PRKN: variants seen among roughly 807,000 people sequenced by gnomAD.
The protein encoded by PRKN is parkin RBR E3 ubiquitin protein ligase.
A neutral mutation model predicts 59.5 loss-of-function variants in PRKN; 56 were observed. The observed-to-expected ratio is 0.94, with a 90% CI of 0.76 to 1.18. PRKN has a LOEUF of 1.18. PRKN is among the 50% of genes most tolerant of loss of function. The probability of loss-of-function intolerance (pLI) is 0.00; values close to 1 mark genes in which losing one functional copy is unlikely to be tolerated. For synonymous variants in PRKN, 250 were observed against 222.1 expected, an observed-to-expected ratio of 1.13 and a Z score of -1.12; for missense variants, 657 against 596.4, an observed-to-expected ratio of 1.10 and a Z score of -1.06.
chr6:161,374,202 ATC>A (rs949804461), intron 10 of PRKN, among the ~76,000 whole-genome samples: 1 of 151,640 alleles, frequency 6.6e-6, no homozygotes, highest in African/African-American at 2.4e-5. Context: ...AGTGTTATGT[ATC>A]TGTGTGTGGT....
At chr6:162,653,500 C>T (rs1372134268) in intron 1 of PRKN, among the ~76,000 whole-genome samples, 2 of 152,000 alleles carry the variant, frequency 1.3e-5, no homozygotes, top group African/African-American at 4.8e-5. Context: ...ATTAGCGTTA[C>T]CTTTTCAATA....
At chr6:162,548,179 C>A (rs1367473826) in intron 1 of PRKN, among the ~76,000 whole-genome samples, 1 of 152,128 alleles carries the variant, frequency 6.6e-6, no homozygotes, top group Non-Finnish European at 1.5e-5. Flanking sequence ...CCTGCCTCAG[C>A]CTCCTGAGTA....
intron 1 of PRKN, among the ~76,000 whole-genome samples, chr6:162,550,302 C>T (rs1779287133): frequency 6.6e-6 from 1 of 152,252 alleles, no homozygotes; most frequent in Middle Eastern, 3.4e-3. Flanking sequence ...TTAGGAAGGG[C>T]TGTCCCAAGG....
chr6:162,652,571 C>T (rs1778485603), intron 1 of PRKN, among the ~76,000 whole-genome samples: 1 of 151,990 alleles, frequency 6.6e-6, no homozygotes, highest in Non-Finnish European at 1.5e-5. Flanking sequence ...AGCAATACAA[C>T]ACAATATAAG....
intron 1 of PRKN, among the ~76,000 whole-genome samples, chr6:162,600,435 T>A (rs1329150176): frequency 6.6e-6 from 1 of 152,236 alleles, no homozygotes; most frequent in East Asian, 1.9e-4. Context: ...GATGTGAACA[T>A]TTTTGTACAA....
intron 1 of PRKN, among the ~76,000 whole-genome samples, chr6:162,456,594 T>C (rs181657805): frequency 1.4e-4 from 21 of 152,314 alleles, no homozygotes; most frequent in Admixed American, 1.1e-3. Flanking sequence ...TTATTTTCTA[T>C]AGGCTATAGT....
intron 9 of PRKN, among the ~76,000 whole-genome samples, chr6:161,455,621 T>G (rs889726661): frequency 2.0e-5 from 3 of 151,966 alleles, no homozygotes; most frequent in Non-Finnish European, 4.4e-5. Flanking sequence ...ATCCCAGCAC[T>G]TTGGGAGGCT....
chr6:162,288,578 A>T (rs1279813525), intron 2 of PRKN, among the ~76,000 whole-genome samples: 1 of 152,142 alleles, frequency 6.6e-6, no homozygotes, highest in Non-Finnish European at 1.5e-5. Flanking sequence ...GGCTTGAAGA[A>T]GCAAGTCATC....
At chr6:162,661,373 T>C (rs1322102512) in intron 1 of PRKN, among the ~76,000 whole-genome samples, 1 of 152,198 alleles carries the variant, frequency 6.6e-6, no homozygotes, top group East Asian at 1.9e-4. Context: ...GTAAAAATTC[T>C]AATGCCTAAA....
intron 6 of PRKN, among the ~76,000 whole-genome samples, chr6:161,871,926 AC>A (rs1163017017): frequency 6.6e-6 from 1 of 152,168 alleles, no homozygotes; most frequent in African/African-American, 2.4e-5. Context: ...TGTGTGCCAA[AC>A]CTCAGTGGGG....
At chr6:161,879,959 A>C (rs566620307) in intron 6 of PRKN, among the ~76,000 whole-genome samples, 15 of 152,298 alleles carry the variant, frequency 9.8e-5, no homozygotes, top group Admixed American at 8.5e-4. Context: ...GAAGTAGATG[A>C]AAATGCACAG....
intron 9 of PRKN, among the ~76,000 whole-genome samples, chr6:161,532,784 A>G (rs548651731): frequency 1.1e-4 from 16 of 152,148 alleles, no homozygotes; most frequent in Non-Finnish European, 2.1e-4. Context: ...GGATGCTGGG[A>G]TATCTGAGTC....
intron 7 of PRKN, among the ~76,000 whole-genome samples, chr6:161,698,822 A>C (rs1468745281): frequency 1.3e-5 from 2 of 152,202 alleles, no homozygotes; most frequent in East Asian, 3.8e-4. Flanking sequence ...TAAAGGTAAA[A>C]CACTAAACTA....
chr6:162,126,265 T>C (rs1781122071), intron 4 of PRKN, among the ~76,000 whole-genome samples: 1 of 152,182 alleles, frequency 6.6e-6, no homozygotes, highest in Non-Finnish European at 1.5e-5. Context: ...GAGTTCTGCA[T>C]GTGGACGTGC....
chr6:161,914,629 TAGG>T (rs565321406), intron 6 of PRKN, among the ~76,000 whole-genome samples: 250 of 151,950 alleles, frequency 1.6e-3, no homozygotes, highest in African/African-American at 5.7e-3. Context: ...GCACAAAACC[TAGG>T]AGGTCTGTTG....
At chr6:161,995,444 A>G (rs1266490057) in intron 5 of PRKN, among the ~76,000 whole-genome samples, 1 of 152,168 alleles carries the variant, frequency 6.6e-6, no homozygotes, top group African/African-American at 2.4e-5. Flanking sequence ...GCTTCTGTGC[A>G]GCAAAGGAAA....
At chr6:162,118,222 T>C (rs1408567969) in intron 4 of PRKN, among the ~76,000 whole-genome samples, 3 of 151,822 alleles carry the variant, frequency 2.0e-5, no homozygotes, top group African/African-American at 7.3e-5. Flanking sequence ...CCATCCTGGC[T>C]AACATGGTGA....
chr6:161,900,133 A>G (rs1046856087), intron 6 of PRKN, among the ~76,000 whole-genome samples: 5 of 152,068 alleles, frequency 3.3e-5, no homozygotes, highest in Middle Eastern at 3.4e-3. Context: ...ATAAAATAAA[A>G]TAAAATAAAA....
intron 1 of PRKN, among the ~76,000 whole-genome samples, chr6:162,628,173 C>A (rs1355595509): frequency 6.6e-6 from 1 of 151,898 alleles, no homozygotes; most frequent in Non-Finnish European, 1.5e-5. Flanking sequence ...GAAAAAAGGT[C>A]GTTTCTGAAA....
Sources: allele counts gnomAD v4.1 joint callset (sites outside exome capture counted in the v4.1 genomes callset), GRCh38; gene constraint gnomAD v4.1.1; transcripts MANE v1.5; gene names NCBI Gene and HGNC (gene_info 2026-07-23, HGNC 2026-07-21).